Variants in DNAH9 observed in about 807,000 individuals in gnomAD.
The protein encoded by DNAH9 is dynein axonemal heavy chain 9.
Under a neutral mutation model 471.6 loss-of-function variants are expected in DNAH9, and 345 were observed. The ratio of observed to expected loss-of-function variants is 0.73; its 90% confidence interval spans 0.67 to 0.80. The LOEUF (loss-of-function observed/expected upper bound fraction) is 0.80, where lower values mean the gene tolerates loss of function less well. DNAH9 is among the 30% of genes least tolerant of loss of function. The pLI is 0.00. For synonymous variants in DNAH9, 2,093 were observed against 2,123.6 expected (o/e 0.99, Z 0.40); for missense variants, 5,407 against 5,609.2 (o/e 0.96, Z 1.15).
intron 62 of DNAH9, among the ~76,000 whole-genome samples, chr17:11,928,803 C>T (rs1974410346): frequency 6.6e-6 from 1 of 152,232 alleles, no homozygotes; most frequent in South Asian, 2.1e-4. Context: ...TAAATCAGTG[C>T]CTTTCAAATG....
At chr17:11,624,234 T>C (rs1244618631) in intron 6 of DNAH9, among the ~76,000 whole-genome samples, 1 of 152,186 alleles carries the variant, frequency 6.6e-6, no homozygotes, top group Non-Finnish European at 1.5e-5. Context: ...TGGGGCCGGG[T>C]GCAGTGGCTT....
intron 48 of DNAH9, among the ~76,000 whole-genome samples, chr17:11,823,650 G>A (rs540785033): frequency 2.6e-5 from 4 of 152,102 alleles, no homozygotes; most frequent in Non-Finnish European, 4.4e-5. Context: ...GGCCCCTGTC[G>A]GCCGGGCACG....
Position 11,962,776 on chromosome 17 carries a change from GCCTCACC to G in DNAH9, c.13233+521_13233+527del, listed in dbSNP as rs572758409. On this transcript the variant is annotated intron_variant, in intron 68 of 68. Coordinates refer to ENST00000262442, the MANE Select transcript of DNAH9 (RefSeq NM_001372.4). The surrounding 1 kb of genome is among the most constrained non-coding windows in gnomAD (Gnocchi z 4.1). ...CCTCCCGAGTTCAAGCAATTCTCCT[GCCTCACC>G]TCCTTGGTCCACTTTCCACATTCAT... Among the ~76,000 whole-genome samples, 107 of 152,146 alleles carry G rather than the reference GCCTCACC, an allele frequency of 7.0e-4. No individual in the cohort carries two copies. Among genetic ancestry groups the G allele is most frequent in the African/African-American group, 2.5e-3 (102 of 41,514 alleles).
chr17:11,768,433 G>A lies in DNAH9; in HGVS notation c.7171-20G>A, dbSNP rs571232096. Reference sequence around the variant, plus strand: ...TGAGTTCTGGAGGACCTTGTCCCCTGACTGTCTTTGTTTTTGCAGCTTGTG... The same window carrying A: ...TGAGTTCTGGAGGACCTTGTCCCCTAACTGTCTTTGTTTTTGCAGCTTGTG... On this transcript the variant is annotated intron_variant, in intron 36 of 68. Coordinates refer to ENST00000262442, the MANE Select transcript of DNAH9 (RefSeq NM_001372.4). 4.2e-5 allele frequency: 67 copies of A among 1,608,366 alleles called. No individual in the cohort carries two copies. Among genetic ancestry groups the A allele is most frequent in the Non-Finnish European group, 5.4e-5 (63 of 1,175,500 alleles).
At chr17:11,762,467 CTT>C (rs1967720506) in intron 35 of DNAH9, among the ~76,000 whole-genome samples, 1 of 152,144 alleles carries the variant, frequency 6.6e-6, no homozygotes, top group Non-Finnish European at 1.5e-5. Context: ...CATAGGATGT[CTT>C]TTGTGCATCT....
intron 36 of DNAH9, among the ~76,000 whole-genome samples, chr17:11,765,718 A>C (rs1448861547): frequency 6.6e-6 from 1 of 151,992 alleles, no homozygotes; most frequent in Non-Finnish European, 1.5e-5. Context: ...TCTGTGGACT[A>C]CTCCTTTGAC....
At chr17:11,908,876 T>C (rs1478428459) in intron 61 of DNAH9, among the ~76,000 whole-genome samples, 4 of 152,210 alleles carry the variant, frequency 2.6e-5, no homozygotes, top group Non-Finnish European at 4.4e-5. Flanking sequence ...TCTGTCAAGA[T>C]GGCTGTTCTG....
At chr17:11,647,021 G>T in intron 11 of DNAH9, 51 bp from the exon 12 acceptor site, 1 of 1,599,562 alleles carries the variant, frequency 6.3e-7, no homozygotes, top group South Asian at 1.1e-5. Flanking sequence ...ACCAGGCACC[G>T]GTGAGCTGGG....
intron 17 of DNAH9, among the ~76,000 whole-genome samples, chr17:11,677,055 A>C (rs1412119291): frequency 1.3e-5 from 2 of 152,094 alleles, no homozygotes; most frequent in Non-Finnish European, 2.9e-5. Context: ...TATTCAATAT[A>C]GTATATTCAG....
rs770011146 is a variant in DNAH9 at position 11,763,590 on chromosome 17, C to T, written c.7146C>T (p.Phe2382=). The stretch of plus-strand genomic sequence containing the variant: ...TTGTGTTTGCTGCCATCTGGGCTTT[C>T]GGCGGAGCAATGGTCCAAGATCAGG... The part of the protein sequence containing the change: ...HYFVFAAIWA[F]GGAMVQDQLV... Residue 2382 remains phenylalanine, a synonymous_variant, in exon 36 of 69, where the codon TTC becomes TTT. Coordinates refer to ENST00000262442, the MANE Select transcript of DNAH9 (RefSeq NM_001372.4). The T allele has an allele frequency of 5.6e-5, 91 of 1,613,960 alleles. 1 individual carries two copies. Among genetic ancestry groups the T allele is most frequent in the South Asian group, 4.2e-4 (38 of 91,066 alleles).
rs144523571 is a variant in DNAH9, at chr17:11,854,256, T to C, written c.9761T>C (p.Phe3254Ser). The change falls in exon 50 of 69, where the codon TTT becomes TCT. Residue 3254 changes from phenylalanine (F) to serine (S), a missense_variant. By Grantham distance (155) the Phe-to-Ser change is radical. Coordinates refer to ENST00000262442, the MANE Select transcript of DNAH9 (RefSeq NM_001372.4). Reference sequence around the variant, plus strand: ...CAAGACCCCGAGTTCAATCCTGAGTTTGTGGCCACCAAATCCTATGCGGCT... The same window carrying C: ...CAAGACCCCGAGTTCAATCCTGAGTCTGTGGCCACCAAATCCTATGCGGCT... Reference protein sequence around the residue: ...YLQDPEFNPEFVATKSYAAAG... With the variant: ...YLQDPEFNPESVATKSYAAAG... The C allele has an allele frequency of 6.2e-7, 1 of 1,614,154 alleles. No homozygotes were observed. The highest frequency in any genetic ancestry group is 8.5e-7 in the Non-Finnish European group (1 of 1,180,042).
chr17:11,643,405 A>T (rs2073316134), intron 10 of DNAH9, among the ~76,000 whole-genome samples: 1 of 152,194 alleles, frequency 6.6e-6, no homozygotes, highest in Non-Finnish European at 1.5e-5. Flanking sequence ...TTCTAGATGG[A>T]TTTCAGAAAA....
In DNAH9 at chr17:11,696,860, C is replaced by T. The variant is rs548617123; in HGVS notation, c.4872+2413C>T. Among the ~76,000 whole-genome samples the T allele has an allele frequency of 1.8e-4, 28 of 152,008 alleles. No homozygotes were observed. The South Asian group carries it at 5.4e-3, about 29-fold the overall frequency. On this transcript the variant is annotated intron_variant, in intron 22 of 68. Transcript: ENST00000262442. ...CTGCCAGATTTTTTTATATCTCATT[C>T]TTTTTAAAAATTAATTAATTTTTTT...
At chr17:11,774,500 A>G (rs1438698631) in intron 38 of DNAH9, among the ~76,000 whole-genome samples, 1 of 152,118 alleles carries the variant, frequency 6.6e-6, no homozygotes, top group Non-Finnish European at 1.5e-5. Flanking sequence ...AGCACATCCC[A>G]CATGGTGGCA....
At chr17:11,874,750 T>C (rs1270495046) in intron 52 of DNAH9, among the ~76,000 whole-genome samples, 199 bp from the exon 53 acceptor site, 2 of 125,012 alleles carry the variant, frequency 1.6e-5, no homozygotes, top group Admixed American at 1.5e-4. Flanking sequence ...TATTCATCCA[T>C]GGAGGGGAAA....
At chr17:11,961,455 T>C (rs1161148454) in intron 67 of DNAH9, among the ~76,000 whole-genome samples, 1 of 152,198 alleles carries the variant, frequency 6.6e-6, no homozygotes, top group Non-Finnish European at 1.5e-5. Flanking sequence ...TTTGGGGGAA[T>C]ATAGATCTTT....
intron 26 of DNAH9, among the ~76,000 whole-genome samples, chr17:11,712,082 ATT>A (rs1567741184): frequency 7.2e-5 from 1 of 13,912 alleles, no homozygotes; most frequent in Admixed American, 2.2e-3. Flanking sequence ...ATATAAATAT[ATT>A]TGTATATATA....
intron 49 of DNAH9, among the ~76,000 whole-genome samples, chr17:11,849,456 T>C (rs1256436681): frequency 1.3e-5 from 2 of 152,212 alleles, no homozygotes; most frequent in Admixed American, 6.5e-5. Flanking sequence ...CTCCGGAGCC[T>C]CTGGTGGTCT....
chr17:11,616,730 C>T (rs1402585518), intron 4 of DNAH9, among the ~76,000 whole-genome samples: 2 of 152,110 alleles, frequency 1.3e-5, no homozygotes, highest in African/African-American at 4.8e-5. Context: ...ATGTGCACAA[C>T]GTACAGCTTT....
Sources: allele counts gnomAD v4.1 joint callset (sites outside exome capture counted in the v4.1 genomes callset), GRCh38; gene constraint gnomAD v4.1.1; non-coding constraint Gnocchi (gnomAD v3.1); transcripts MANE v1.5; gene names NCBI Gene and HGNC (gene_info 2026-07-23, HGNC 2026-07-21).